CCDC178: variants seen among roughly 807,000 people sequenced by gnomAD.
CCDC178 encodes coiled-coil domain containing 178, also known as coiled-coil domain-containing protein 178.
Under a neutral mutation model 117.4 loss-of-function variants are expected in CCDC178, and 126 were observed. The observed-to-expected ratio is 1.07, with a 90% confidence interval of 0.93 to 1.24. CCDC178 has a LOEUF of 1.24. Among genes scored for constraint, CCDC178 ranks in the 50% most tolerant of loss-of-function variants. The probability of loss-of-function intolerance (pLI) is 0.00; values close to 1 mark genes in which losing one functional copy is unlikely to be tolerated. For synonymous variants in CCDC178, 283 were observed against 313.4 expected (o/e 0.90, Z 1.02); for missense variants, 1,030 against 986.9 (o/e 1.04, Z -0.59).
intron 5 of CCDC178, among the ~76,000 whole-genome samples, chr18:33,385,106 A>G (rs888120134): frequency 6.6e-6 from 1 of 152,240 alleles, no homozygotes; most frequent in African/African-American, 2.4e-5. Context: ...ACAAAGGTCA[A>G]AACAGACAAA....
chr18:33,224,911 A>G lies in CCDC178; in HGVS notation c.1682T>C (p.Val561Ala). Residue 561 changes from valine (V) to alanine (A), a missense_variant, in exon 17 of 23, where the codon GTC becomes GCC. Coordinates refer to ENST00000383096, the MANE Select transcript of CCDC178 (RefSeq NM_001105528.4). ...AAGCTCTTTCCGCTCAAGTGCCTGG[A>G]CTTCGTAAATGGAATATAGTTTTTT... Reference protein sequence around the residue: ...LQKKLYSIYEVQALERKELIK... With the variant: ...LQKKLYSIYEAQALERKELIK... 1 of 1,525,002 alleles carries G rather than the reference A, an allele frequency of 6.6e-7. No homozygotes were observed. The highest frequency in any genetic ancestry group is 8.8e-7 in the Non-Finnish European group (1 of 1,136,756). The allele number at this position is 1,525,002 out of a possible 1,614,324, so 94.5% of individuals were successfully genotyped here. A position where few individuals can be genotyped will look rare whatever the true frequency, so the allele number is the denominator to read the frequency against.
intron 9 of CCDC178, 40 bp from the exon 10 acceptor site, chr18:33,333,434 G>A: frequency 9.8e-7 from 1 of 1,015,712 alleles, no homozygotes; most frequent in Non-Finnish European, 1.4e-6. Flanking sequence ...AATCTGATTG[G>A]AGGAAATATT....
intron 21 of CCDC178, among the ~76,000 whole-genome samples, chr18:33,032,532 G>C (rs1314258318): frequency 6.6e-6 from 1 of 152,046 alleles, no homozygotes; most frequent in African/African-American, 2.4e-5. Context: ...TTTCTTGTAT[G>C]TTTGCATACT....
intron 21 of CCDC178, among the ~76,000 whole-genome samples, chr18:33,005,285 A>C (rs1252302799): frequency 6.6e-6 from 1 of 152,138 alleles, no homozygotes; most frequent in Non-Finnish European, 1.5e-5. Flanking sequence ...ATTTAGCCAC[A>C]AAAAGAATAA....
intron 2 of CCDC178, among the ~76,000 whole-genome samples, chr18:33,430,795 G>A (rs754465660): frequency 2.6e-5 from 4 of 152,084 alleles, no homozygotes; most frequent in Non-Finnish European, 5.9e-5. Flanking sequence ...ATATTAGGCC[G>A]GGCGCGGTGG....
At chr18:33,317,672 T>C (rs1181302783) in intron 11 of CCDC178, among the ~76,000 whole-genome samples, 1 of 152,062 alleles carries the variant, frequency 6.6e-6, no homozygotes, top group African/African-American at 2.4e-5. Flanking sequence ...CAGAAAGTTG[T>C]AGAAGACAGA....
intron 21 of CCDC178, among the ~76,000 whole-genome samples, chr18:33,003,869 T>C (rs1052763372): frequency 9.2e-5 from 14 of 152,098 alleles, no homozygotes; most frequent in African/African-American, 3.1e-4. Flanking sequence ...ATCTACAGCA[T>C]TTCTACATGT....
intron 11 of CCDC178, among the ~76,000 whole-genome samples, chr18:33,311,569 C>CCAATGTGTCTTCTT (rs751181493): frequency 6.6e-5 from 10 of 152,346 alleles, no homozygotes; most frequent in African/African-American, 2.2e-4. Context: ...TAGGACCACA[C>CCAATGTGTCTTCTT]CAATGTGTCT....
chr18:33,384,933 A>G (rs1359036351), intron 5 of CCDC178, among the ~76,000 whole-genome samples: 1 of 152,232 alleles, frequency 6.6e-6, no homozygotes, highest in East Asian at 1.9e-4. Context: ...CTGGATACAA[A>G]GATGGAACCC....
chr18:33,123,458 C>G (rs560187953), intron 20 of CCDC178, among the ~76,000 whole-genome samples: 1 of 152,176 alleles, frequency 6.6e-6, no homozygotes, highest in South Asian at 2.1e-4. Context: ...ACTACAGACT[C>G]TCTTACTACA....
chr18:33,254,823 T>C (rs1054473007), intron 14 of CCDC178, among the ~76,000 whole-genome samples: 2 of 152,066 alleles, frequency 1.3e-5, no homozygotes, highest in Admixed American at 1.3e-4. Flanking sequence ...TGAGTTCAGA[T>C]GCATAAGCAT....
At position 33,120,770 on chromosome 18, in the gene CCDC178, T is replaced by A. The variant is rs146685241; in HGVS notation, c.2239-27860A>T. 1.1e-3 allele frequency among the ~76,000 whole-genome samples: 175 copies of A among 152,302 alleles called. 2 individuals are homozygous for A. In the East Asian group the frequency reaches 0.031, roughly 27 times the overall value. Reference sequence around the variant, plus strand: ...CATACAATAACCAAATATTTTTGTTTTCTTCCTTATCTTACTCTAATTATT... The same window carrying A: ...CATACAATAACCAAATATTTTTGTTATCTTCCTTATCTTACTCTAATTATT... On this transcript the variant is annotated intron_variant, in intron 20 of 22. Coordinates refer to ENST00000383096, the MANE Select transcript of CCDC178 (RefSeq NM_001105528.4).
chr18:33,375,717 C>A (rs903296642), intron 5 of CCDC178, among the ~76,000 whole-genome samples: 2 of 152,126 alleles, frequency 1.3e-5, no homozygotes, highest in Non-Finnish European at 2.9e-5. Context: ...TGGAAGAGAT[C>A]TGATACAGTA....
At chr18:33,409,213 T>C (rs1009309403) in intron 3 of CCDC178, among the ~76,000 whole-genome samples, 3 of 152,142 alleles carry the variant, frequency 2.0e-5, no homozygotes, top group Admixed American at 6.5e-5. Context: ...AGCTTCCCAG[T>C]AGCTGGGACT....
chr18:33,305,466 T>C (rs1357524631), intron 11 of CCDC178, among the ~76,000 whole-genome samples: 2 of 151,970 alleles, frequency 1.3e-5, no homozygotes, highest in Non-Finnish European at 2.9e-5. Context: ...CTGGAGTCCT[T>C]GAGAGGGTGA....
At chr18:33,279,363 A>G (rs1489901804) in intron 12 of CCDC178, among the ~76,000 whole-genome samples, 1 of 152,134 alleles carries the variant, frequency 6.6e-6, no homozygotes, top group Admixed American at 6.5e-5. Flanking sequence ...CAATTGCTTC[A>G]AAGAGAATAA....
At chr18:33,117,130 T>C (rs1348192213) in intron 20 of CCDC178, among the ~76,000 whole-genome samples, 1 of 152,106 alleles carries the variant, frequency 6.6e-6, no homozygotes, top group African/African-American at 2.4e-5. Context: ...CAAATATGTA[T>C]TGCCCATTCT....
At chr18:33,401,044 G>A (rs2063703201) in intron 3 of CCDC178, among the ~76,000 whole-genome samples, 1 of 152,110 alleles carries the variant, frequency 6.6e-6, no homozygotes, top group Middle Eastern at 3.2e-3. Context: ...AGATGTGGGG[G>A]ACAGACAGTG....
intron 20 of CCDC178, among the ~76,000 whole-genome samples, chr18:33,118,974 T>A (rs2057897613): frequency 6.6e-6 from 1 of 152,198 alleles, no homozygotes; most frequent in African/African-American, 2.4e-5. Context: ...CTGGGAAAAC[T>A]GGCTAGCCAT....
Sources: allele counts gnomAD v4.1 joint callset (sites outside exome capture counted in the v4.1 genomes callset), GRCh38; gene constraint gnomAD v4.1.1; transcripts MANE v1.5; gene names NCBI Gene and HGNC (gene_info 2026-07-23, HGNC 2026-07-21).